Variants in ATP2B2 observed in about 807,000 individuals in gnomAD.
ATP2B2 encodes plasma membrane calcium-transporting ATPase 2.
Under a neutral mutation model 120.0 loss-of-function variants are expected in ATP2B2, and 15 were observed. The ratio of observed to expected loss-of-function variants is 0.12; its 90% confidence interval spans 0.08 to 0.19. The LOEUF is 0.19. Among genes scored for constraint, ATP2B2 ranks in the 10% least tolerant of loss-of-function variants. The probability of loss-of-function intolerance (pLI) is 1.00; values close to 1 mark genes in which losing one functional copy is unlikely to be tolerated. For missense variants in ATP2B2, 1,045 were observed against 1,719.8 expected (o/e 0.61, Z 6.94); for synonymous variants, 694 against 700.3 (o/e 0.99, Z 0.14).
intron 12 of ATP2B2, among the ~76,000 whole-genome samples, chr3:10,368,369 A>G (rs1559237148): frequency 6.6e-6 from 1 of 152,098 alleles, no homozygotes. Context: ...ATACAAGAAC[A>G]AAAAATTAGA....
chr3:10,406,696 G>A (rs1057018192), intron 3 of ATP2B2, among the ~76,000 whole-genome samples: 5 of 152,202 alleles, frequency 3.3e-5, no homozygotes, highest in South Asian at 2.1e-4. Context: ...GTCGTTAAGC[G>A]ACACATGACT....
chr3:10,564,035 C>A (rs2067957723), intron 2 of ATP2B2, among the ~76,000 whole-genome samples: 1 of 152,220 alleles, frequency 6.6e-6, no homozygotes. Flanking sequence ...GGGGCTGCCA[C>A]TCCAGGAACT....
At chr3:10,451,941 C>T (rs549415072) in intron 1 of ATP2B2, among the ~76,000 whole-genome samples, 1 of 152,234 alleles carries the variant, frequency 6.6e-6, no homozygotes, top group Non-Finnish European at 1.5e-5. Context: ...AGTTCTGTAT[C>T]ATCCATCCAA....
intron 3 of ATP2B2, among the ~76,000 whole-genome samples, chr3:10,410,264 C>T (rs11721303): frequency 6.6e-6 from 1 of 152,192 alleles, no homozygotes; most frequent in Non-Finnish European, 1.5e-5. Context: ...GCAGTATATA[C>T]TGAACCCAGG....
intron 2 of ATP2B2, among the ~76,000 whole-genome samples, chr3:10,412,137 G>T (rs1031488497): frequency 1.3e-5 from 2 of 152,226 alleles, no homozygotes; most frequent in Non-Finnish European, 2.9e-5. Context: ...CCTTCCTCCT[G>T]CCACACTGTG....
At chr3:10,683,272 T>C (rs1165012950) in intron 1 of ATP2B2, among the ~76,000 whole-genome samples, 2 of 152,220 alleles carry the variant, frequency 1.3e-5, no homozygotes, top group African/African-American at 4.8e-5. Context: ...GGCCTGCATT[T>C]GTAACCACAC....
In ATP2B2 at chr3:10,486,776, G is replaced by A. The variant is rs1449516713; in HGVS notation, c.-320+18689C>T. 2.0e-5 allele frequency among the ~76,000 whole-genome samples: 3 copies of A among 152,166 alleles called. No homozygotes were observed. In the South Asian group the frequency reaches 6.2e-4, roughly 32 times the overall value. ...ACTCTGTCGCCCAGGCTGGAGTGCAGTGGCATGATCTTGGCTCACTGTGAC... is the reference window on the plus strand; with the variant it reads ...ACTCTGTCGCCCAGGCTGGAGTGCAATGGCATGATCTTGGCTCACTGTGAC... On this transcript the variant is annotated intron_variant, in intron 1 of 22. Coordinates refer to ENST00000360273, the MANE Select transcript of ATP2B2 (RefSeq NM_001001331.4).
intron 3 of ATP2B2, among the ~76,000 whole-genome samples, chr3:10,518,968 G>A (rs1344714159): frequency 6.6e-6 from 1 of 152,244 alleles, no homozygotes; most frequent in African/African-American, 2.4e-5. Context: ...TTCATTCTGA[G>A]ATCATGAGTA....
intron 12 of ATP2B2, among the ~76,000 whole-genome samples, 184 bp downstream of exon 12, chr3:10,371,625 C>T (rs901696723): frequency 6.6e-6 from 1 of 152,210 alleles, no homozygotes; most frequent in African/African-American, 2.4e-5. Flanking sequence ...CTTTGTCACA[C>T]AAACATTGTA....
intron 1 of ATP2B2, among the ~76,000 whole-genome samples, chr3:10,484,440 C>T (rs1192988076): frequency 3.3e-5 from 5 of 152,076 alleles, no homozygotes; most frequent in Non-Finnish European, 7.4e-5. Context: ...TCAGTGTCTC[C>T]CCGTACCCCC....
At chr3:10,623,960 G>A (rs911240835) in intron 1 of ATP2B2, among the ~76,000 whole-genome samples, 1 of 152,126 alleles carries the variant, frequency 6.6e-6, no homozygotes, top group Non-Finnish European at 1.5e-5. Context: ...CTTGGGGCCC[G>A]AGTTTCCTTG....
chr3:10,555,134 G>T (rs1387007779), intron 2 of ATP2B2, among the ~76,000 whole-genome samples: 2 of 152,232 alleles, frequency 1.3e-5, no homozygotes, highest in Non-Finnish European at 2.9e-5. Context: ...TTGAAAATGG[G>T]AATAGCACCT....
chr3:10,674,386 T>C (rs2071194158), intron 1 of ATP2B2, among the ~76,000 whole-genome samples: 1 of 152,176 alleles, frequency 6.6e-6, no homozygotes, highest in African/African-American at 2.4e-5. Context: ...GCTCCTGGAT[T>C]GTTCAAATAT....
Position 10,413,958 on chromosome 3 carries a change from T to C in ATP2B2, c.200-3143A>G, listed in dbSNP as rs111333811. Among the ~76,000 whole-genome samples, 608 of 152,346 alleles carry C rather than the reference T, an allele frequency of 4.0e-3. 1 individual carries two copies. The highest frequency in any genetic ancestry group is 6.7e-3 in the Non-Finnish European group (456 of 68,028). On this transcript the variant is annotated intron_variant, in intron 2 of 22. Coordinates refer to ENST00000360273, the MANE Select transcript of ATP2B2 (RefSeq NM_001001331.4). ...ACACTGGCCTGTTATGGCAGTTTGCTGTGGCTTTGGCCAGCCAATTCCCTT... is the reference window on the plus strand; with the variant it reads ...ACACTGGCCTGTTATGGCAGTTTGCCGTGGCTTTGGCCAGCCAATTCCCTT...
At chr3:10,471,960 A>G (rs2065025145) in intron 1 of ATP2B2, among the ~76,000 whole-genome samples, 2 of 151,608 alleles carry the variant, frequency 1.3e-5, no homozygotes, top group Non-Finnish European at 2.9e-5. Context: ...GGGCGCCTGT[A>G]GTCCCAGCTA....
At chr3:10,567,987 C>T (rs947840722) in intron 2 of ATP2B2, among the ~76,000 whole-genome samples, 1 of 152,180 alleles carries the variant, frequency 6.6e-6, no homozygotes, top group African/African-American at 2.4e-5. Context: ...ACAGTATATC[C>T]TGTTTGGCCA....
chr3:10,450,149 C>G (rs1575263087), intron 1 of ATP2B2, among the ~76,000 whole-genome samples: 1 of 152,110 alleles, frequency 6.6e-6, no homozygotes, highest in Non-Finnish European at 1.5e-5. Flanking sequence ...TGTGTGTACA[C>G]ACATCCCCCG....
chr3:10,633,084 G>A (rs1368972376), intron 1 of ATP2B2, among the ~76,000 whole-genome samples: 1 of 152,200 alleles, frequency 6.6e-6, no homozygotes, highest in Admixed American at 6.5e-5. Flanking sequence ...TGGGAACAGG[G>A]GCCCTGAGCC....
chr3:10,566,077 C>A (rs1274474852), intron 2 of ATP2B2, among the ~76,000 whole-genome samples: 1 of 152,122 alleles, frequency 6.6e-6, no homozygotes, highest in Non-Finnish European at 1.5e-5. Context: ...CATGCACCCA[C>A]CCCTCCTTCC....
Sources: gnomAD v4.1 joint callset for allele counts (sites outside exome capture counted in the v4.1 genomes callset) on GRCh38, gnomAD v4.1.1 for gene constraint, MANE v1.5 for transcripts, NCBI Gene and HGNC (gene_info 2026-07-23, HGNC 2026-07-21) for gene names.